The following FARSB variants were observed in gnomAD, a reference collection of about 807,000 sequenced individuals.
The protein encoded by FARSB is phenylalanyl-tRNA synthetase subunit beta, also known as phenylalanine--tRNA ligase beta subunit.
Under a neutral mutation model 69.6 loss-of-function variants are expected in FARSB, and 40 were observed. The ratio of observed to expected loss-of-function variants is 0.57; its 90% CI spans 0.45 to 0.75. The LOEUF is 0.75. Ranked by LOEUF, FARSB falls within the 30% of genes least tolerant of loss-of-function variation. FARSB has a pLI of 0.00. For synonymous variants in FARSB, 235 were observed against 247.2 expected (o/e 0.95, Z 0.46); for missense variants, 632 against 722.9 (o/e 0.87, Z 1.44).
chr2:222,640,923 G>T lies in FARSB; in HGVS notation c.278C>A (p.Ala93Asp). ...GLQVFKERIKAPVYKRVMPDG... is the reference protein window; with the variant it reads ...GLQVFKERIKDPVYKRVMPDG... The stretch of plus-strand genomic sequence containing the variant: ...AGGCATTACCCGTTTATACACTGGA[G>T]CCTTTATCCTAAAATAATATTTAAA... The change falls in exon 4 of 17, where the codon GCT (alanine) becomes GAT (aspartate). Residue 93 changes from alanine (A) to aspartate (D), a missense_variant. Physicochemically the swap from Ala to Asp is moderately radical, Grantham distance 126. Transcript: ENST00000281828. The T allele has an allele frequency of 6.7e-7, 1 of 1,485,062 alleles. No individual in the cohort carries two copies. Among genetic ancestry groups the T allele is most frequent in the Non-Finnish European group, 9.3e-7 (1 of 1,080,536 alleles). 92.0% of individuals were successfully genotyped at this position (1,485,062 alleles called of 1,614,324 possible).
At chr2:222,621,689 T>A (rs962849165) in intron 13 of FARSB, among the ~76,000 whole-genome samples, 28 of 152,336 alleles carry the variant, frequency 1.8e-4, no homozygotes, top group African/African-American at 6.0e-4. Flanking sequence ...ACAACTACTA[T>A]GCAGATATAG....
chr2:222,614,146 A>C (rs141850475), intron 14 of FARSB, among the ~76,000 whole-genome samples: 2,607 of 152,382 alleles, frequency 0.017, 27 homozygotes, highest in South Asian at 0.042. Flanking sequence ...CAAATTTACA[A>C]AATGAAAAAT....
At chr2:222,648,325 G>A (rs1027826417) in intron 2 of FARSB, among the ~76,000 whole-genome samples, 24 of 152,136 alleles carry the variant, frequency 1.6e-4, no homozygotes, top group African/African-American at 5.6e-4. Flanking sequence ...GAAGAGGCAC[G>A]GAGGAAGGTT....
chr2:222,635,317 G>A (rs532925041), intron 5 of FARSB, among the ~76,000 whole-genome samples: 1 of 152,160 alleles, frequency 6.6e-6, no homozygotes, highest in Non-Finnish European at 1.5e-5. Context: ...GTCAAAATTT[G>A]TGTTCTTAAC....
chr2:222,633,245 G>A lies in FARSB; in HGVS notation c.669C>T (p.Ile223=). The change falls in exon 7 of 17, where the codon ATC becomes ATT. Residue 223 remains isoleucine (I), a synonymous_variant. Coordinates refer to ENST00000281828, the MANE Select transcript of FARSB (RefSeq NM_005687.5). ...IIENKPLYPV[I]YDSNGVVLSM... is the part of the protein sequence containing the mutation. ...AAAGGACGACACCATTGCTATCATA[G>A]ATAACTGGATACAGGGGTTTGTTTT... is the stretch of plus-strand genomic sequence containing the variant. 1 of 1,589,984 alleles carries A rather than the reference G, an allele frequency of 6.3e-7. No homozygotes were observed. The highest frequency in any genetic ancestry group is 1.1e-5 in the South Asian group (1 of 89,164).
chr2:222,642,802 G>C (rs376328727), intron 3 of FARSB, 49 bp downstream of exon 3: 20 of 1,423,142 alleles, frequency 1.4e-5, no homozygotes, highest in Non-Finnish European at 1.9e-5. Flanking sequence ...GACAAGGAAA[G>C]AAAAGAAAAC....
At chr2:222,609,490 T>G (rs1038729609) in intron 15 of FARSB, among the ~76,000 whole-genome samples, 1 of 152,218 alleles carries the variant, frequency 6.6e-6, no homozygotes, top group Admixed American at 6.5e-5. Context: ...CAGCAGAGTC[T>G]GCATTCAACT....
chr2:222,598,206 C>T (rs556037678), intron 16 of FARSB, among the ~76,000 whole-genome samples: 88 of 152,298 alleles, frequency 5.8e-4, no homozygotes, highest in African/African-American at 1.8e-3. Flanking sequence ...GTTTGAGGGT[C>T]GGTATGTGGT....
chr2:222,619,846 A>G (rs1691096480), intron 13 of FARSB, 109 bp from the exon 14 acceptor site: 1 of 596,032 alleles, frequency 1.7e-6, no homozygotes, highest in East Asian at 2.8e-5. Flanking sequence ...TTCTCTACAC[A>G]TATCAGCAAG....
intron 16 of FARSB, among the ~76,000 whole-genome samples, chr2:222,597,533 A>G (rs927006637): frequency 1.1e-4 from 16 of 152,216 alleles, no homozygotes; most frequent in Non-Finnish European, 1.6e-4. Flanking sequence ...GTGCTAAATT[A>G]TATGGAATTC....
intron 16 of FARSB, among the ~76,000 whole-genome samples, chr2:222,595,984 C>G (rs1690404567): frequency 1.3e-5 from 2 of 151,328 alleles, no homozygotes; most frequent in African/African-American, 4.9e-5. Context: ...GGAGTTGAAC[C>G]CTTTTGAAAC....
chr2:222,611,210 G>C (rs914279848), intron 15 of FARSB, among the ~76,000 whole-genome samples: 2 of 151,970 alleles, frequency 1.3e-5, no homozygotes, highest in Admixed American at 1.3e-4. Flanking sequence ...AAGAAGAATG[G>C]TACAAGACAA....
intron 15 of FARSB, among the ~76,000 whole-genome samples, chr2:222,610,987 C>T (rs1035875965): frequency 3.9e-5 from 6 of 152,122 alleles, no homozygotes; most frequent in Admixed American, 1.3e-4. Flanking sequence ...CAGCAGATGA[C>T]AAGTAGGGAA....
intron 8 of FARSB, 51 bp from the exon 9 acceptor site, chr2:222,630,225 A>G: frequency 1.1e-6 from 1 of 894,476 alleles, no homozygotes; most frequent in Non-Finnish European, 1.7e-6. Flanking sequence ...TATTCTCTTC[A>G]CTCAGATGGA....
At chr2:222,623,084 A>C (rs954993406) in intron 13 of FARSB, among the ~76,000 whole-genome samples, 1 of 152,182 alleles carries the variant, frequency 6.6e-6, no homozygotes, top group African/African-American at 2.4e-5. Flanking sequence ...CAAGAGGGAA[A>C]AACGGAACTA....
intron 16 of FARSB, among the ~76,000 whole-genome samples, chr2:222,580,589 T>A (rs1053326961): frequency 6.6e-6 from 1 of 152,098 alleles, no homozygotes; most frequent in Non-Finnish European, 1.5e-5. Context: ...CTTCTAGTAG[T>A]GGTACTAGCA....
chr2:222,616,440 G>C (rs1346726913), intron 14 of FARSB, among the ~76,000 whole-genome samples: 1 of 151,564 alleles, frequency 6.6e-6, no homozygotes, highest in Non-Finnish European at 1.5e-5. Context: ...CCAGCTACTC[G>C]GGAGGCTGAG....
chr2:222,644,390 G>A, intron 2 of FARSB: 1 of 340,684 alleles, frequency 2.9e-6, no homozygotes, highest in South Asian at 2.3e-5. Flanking sequence ...GAATGAAGAG[G>A]AGGAGGAAGG....
At chr2:222,617,426 G>C (rs944497151) in intron 14 of FARSB, among the ~76,000 whole-genome samples, 1 of 152,128 alleles carries the variant, frequency 6.6e-6, no homozygotes, top group African/African-American at 2.4e-5. Flanking sequence ...CTTCACTAGG[G>C]GAATACAAGG....
Sources: gnomAD v4.1 joint callset for allele counts (sites outside exome capture counted in the v4.1 genomes callset) on GRCh38, gnomAD v4.1.1 for gene constraint, MANE v1.5 for transcripts, NCBI Gene and HGNC (gene_info 2026-07-23, HGNC 2026-07-21) for gene names.